Variants in PRH1 observed in about 807,000 individuals in gnomAD.
PRH1 encodes salivary acidic proline-rich phosphoprotein 1/2.
Under a neutral mutation model 7.9 loss-of-function variants are expected in PRH1, and 7 were observed. That is an observed-to-expected ratio of 0.89 (90% confidence interval 0.50 to 1.67). The LOEUF is 1.67. Ranked by LOEUF, PRH1 falls within the 40% of genes most tolerant of loss-of-function variation. The probability of loss-of-function intolerance (pLI) is 0.00; values close to 1 mark genes in which losing one functional copy is unlikely to be tolerated. For synonymous variants in PRH1, 45 were observed against 80.8 expected (o/e 0.56, Z 2.38); for missense variants, 109 against 223.6 (o/e 0.49, Z 3.27).
intron 2 of PRH1, among the ~76,000 whole-genome samples, chr12:10,894,055 A>C (rs1232405953): frequency 6.6e-6 from 1 of 152,054 alleles, no homozygotes; most frequent in Non-Finnish European, 1.5e-5. Context: ...CTTTCTTTAC[A>C]CAGTGACTTT....
At chr12:10,943,359 T>G (rs1950434000) in intron 2 of PRH1, among the ~76,000 whole-genome samples, 1 of 152,212 alleles carries the variant, frequency 6.6e-6, no homozygotes, top group African/African-American at 2.4e-5. Context: ...ACATGCTTCT[T>G]GGTCACATGT....
intron 1 of PRH1, chr12:10,997,928 C>G: frequency 1.7e-6 from 2 of 1,189,366 alleles, no homozygotes; most frequent in Non-Finnish European, 2.4e-6. Context: ...CTGATGGTGA[C>G]TCCTCTGATA....
upstream of PRH1, chr12:11,171,595 A>C: frequency 1.6e-6 from 2 of 1,224,088 alleles, no homozygotes; most frequent in Non-Finnish European, 2.0e-6. Context: ...CTCCGGGGCC[A>C]GCATGATGGC....
intron 1 of PRH1, among the ~76,000 whole-genome samples, chr12:11,068,997 T>C (rs1943945870): frequency 8.9e-5 from 4 of 44,758 alleles, no homozygotes; most frequent in Admixed American, 8.9e-4. Context: ...TCTCCACTGC[T>C]CTCTACAGCT....
chr12:10,954,268 C>G (rs1283400392), intron 2 of PRH1, among the ~76,000 whole-genome samples: 1 of 152,096 alleles, frequency 6.6e-6, no homozygotes, highest in Non-Finnish European at 1.5e-5. Flanking sequence ...TCAATACTAA[C>G]CTCGAATGTA....
At chr12:11,033,571 G>T (rs543182915) in intron 1 of PRH1, among the ~76,000 whole-genome samples, 15 of 152,062 alleles carry the variant, frequency 9.9e-5, no homozygotes, top group African/African-American at 3.6e-4. Flanking sequence ...AAAATAGATG[G>T]GGAATGGCAA....
intron 1 of PRH1, among the ~76,000 whole-genome samples, chr12:11,129,849 A>T (rs1946277616): frequency 6.6e-6 from 1 of 152,294 alleles, no homozygotes; most frequent in African/African-American, 2.4e-5. Flanking sequence ...CTGCCAGTTT[A>T]ATGTATTGAT....
intron 1 of PRH1, among the ~76,000 whole-genome samples, chr12:11,110,914 T>C (rs1466446539): frequency 2.0e-5 from 3 of 152,110 alleles, no homozygotes; most frequent in Non-Finnish European, 4.4e-5. Flanking sequence ...ACCCATCTCA[T>C]GTGCAAAGAC....
intron 1 of PRH1, among the ~76,000 whole-genome samples, chr12:11,003,648 ATTTC>A (rs1940696471): frequency 6.6e-6 from 1 of 151,930 alleles, no homozygotes; most frequent in African/African-American, 2.4e-5. Context: ...AAATGTTATA[ATTTC>A]TTTGGTAAGG....
In PRH1 at chr12:11,035,267, T is replaced by C. The variant is rs1213730287; in HGVS notation, c.-126+11753A>G. ...TCTGCCCCATTTGTTCTCTTCTAAT[T>C]TTCGGGAACTGCAGAAGTATGTTAG... On this transcript the variant is annotated intron_variant, in intron 1 of 3. Coordinates refer to the PRH1 transcript ENST00000539853. Among the ~76,000 whole-genome samples the C allele has an allele frequency of 1.5e-4, 21 of 143,982 alleles. No homozygotes were observed. In the South Asian group the frequency reaches 4.1e-3, roughly 28 times the overall value. 94.5% of individuals were successfully genotyped at this position (143,982 alleles called of 152,430 possible).
At chr12:10,919,279 T>C (rs1034079601) in intron 2 of PRH1, among the ~76,000 whole-genome samples, 4 of 152,192 alleles carry the variant, frequency 2.6e-5, no homozygotes, top group Admixed American at 6.5e-5. Context: ...AAAAGATATT[T>C]ATAAACTCTA....
intron 1 of PRH1, among the ~76,000 whole-genome samples, chr12:11,059,526 T>A (rs113605361): frequency 6.6e-6 from 1 of 150,688 alleles, no homozygotes; most frequent in Non-Finnish European, 1.5e-5. Context: ...AATATCATAA[T>A]ACAAATATAT....
intron 1 of PRH1, among the ~76,000 whole-genome samples, chr12:11,110,434 A>T (rs981882017): frequency 6.6e-6 from 1 of 152,216 alleles, no homozygotes; most frequent in African/African-American, 2.4e-5. Flanking sequence ...CTGAGTCACC[A>T]AAAAGAGAAG....
chr12:10,938,059 T>A, intron 2 of PRH1: 1 of 482,902 alleles, frequency 2.1e-6, no homozygotes, highest in Non-Finnish European at 3.6e-6. Context: ...GAACTCTTTA[T>A]AGTATTCGCA....
intron 2 of PRH1, among the ~76,000 whole-genome samples, chr12:10,911,220 A>C (rs577084063): frequency 1.6e-4 from 24 of 152,234 alleles, no homozygotes; most frequent in Non-Finnish European, 2.9e-4. Context: ...AATACCCCAA[A>C]TCTGTACAAA....
chr12:10,968,018 T>C (rs1938590690), intron 2 of PRH1, among the ~76,000 whole-genome samples: 1 of 152,048 alleles, frequency 6.6e-6, no homozygotes, highest in Admixed American at 6.5e-5. Flanking sequence ...GAGGCGGAGG[T>C]TGCAATGAGC....
chr12:11,109,008 C>A (rs1945511213), intron 1 of PRH1, among the ~76,000 whole-genome samples: 1 of 152,182 alleles, frequency 6.6e-6, no homozygotes, highest in Non-Finnish European at 1.5e-5. Flanking sequence ...ATTACTGGGG[C>A]TTGAGTAGGC....
At chr12:11,072,672 G>C (rs1944127527) in intron 1 of PRH1, among the ~76,000 whole-genome samples, 1 of 152,172 alleles carries the variant, frequency 6.6e-6, no homozygotes, top group African/African-American at 2.4e-5. Flanking sequence ...AATGAGGGCA[G>C]AGTTCCATAA....
At chr12:11,105,122 G>A (rs1400292171) in intron 1 of PRH1, among the ~76,000 whole-genome samples, 1 of 151,652 alleles carries the variant, frequency 6.6e-6, no homozygotes, top group East Asian at 1.9e-4. Context: ...AGATGACTTT[G>A]AAAAAATATA....
Sources: gnomAD v4.1 joint callset for allele counts (sites outside exome capture counted in the v4.1 genomes callset) on GRCh38, gnomAD v4.1.1 for gene constraint, MANE v1.5 for transcripts, NCBI Gene and HGNC (gene_info 2026-07-23, HGNC 2026-07-21) for gene names.